PODXL2: variants seen among roughly 807,000 people sequenced by gnomAD.
PODXL2 encodes podocalyxin like 2.
Under a neutral mutation model 53.4 loss-of-function variants are expected in PODXL2, and 17 were observed. The ratio of observed to expected loss-of-function variants is 0.32; its 90% CI spans 0.22 to 0.48. The LOEUF is 0.48. Ranked by LOEUF, PODXL2 falls within the 20% of genes least tolerant of loss-of-function variation. The pLI is 0.99. For missense variants in PODXL2, 673 were observed against 760.0 expected, an observed-to-expected ratio of 0.89 and a Z score of 1.35; for synonymous variants, 311 against 306.7, an observed-to-expected ratio of 1.01 and a Z score of -0.15.
intron 2 of PODXL2, among the ~76,000 whole-genome samples, chr3:127,650,016 AG>A (rs2074678685): frequency 6.6e-6 from 1 of 152,228 alleles, no homozygotes; most frequent in Admixed American, 6.5e-5. Flanking sequence ...TTTAATTTTG[AG>A]TGTTTTTATA....
At chr3:127,667,554 G>A (rs540016931) in intron 4 of PODXL2, among the ~76,000 whole-genome samples, 2 of 152,308 alleles carry the variant, frequency 1.3e-5, no homozygotes, top group Admixed American at 6.5e-5. Context: ...AGATGGGGCT[G>A]GGCAGGGACA....
Position 127,660,517 on chromosome 3 carries a change from GGAA to G in PODXL2, c.495_497del (p.Glu172del). The stretch of plus-strand genomic sequence containing the variant: ...CCTGGCATATGCCTCCCAGAGAGGA[GGAA>G]GAAGAGGAAGAGGAAGAGGAGGAGA... On this transcript the variant is annotated inframe_deletion, in exon 3 of 8. Coordinates refer to ENST00000342480, the MANE Select transcript of PODXL2 (RefSeq NM_015720.4). 1 of 1,614,028 alleles carries G rather than the reference GGAA, an allele frequency of 6.2e-7. No homozygotes were observed. Among genetic ancestry groups the G allele is most frequent in the Non-Finnish European group, 8.5e-7 (1 of 1,179,954 alleles).
chr3:127,668,107 T>C (rs2074805849), intron 4 of PODXL2, among the ~76,000 whole-genome samples: 1 of 65,528 alleles, frequency 1.5e-5, no homozygotes, highest in Non-Finnish European at 4.6e-5. Flanking sequence ...GCTGCGTGTG[T>C]GTGTGTGTGT....
intron 2 of PODXL2, among the ~76,000 whole-genome samples, chr3:127,651,501 G>C (rs1383086902): frequency 6.6e-6 from 1 of 152,218 alleles, no homozygotes; most frequent in East Asian, 1.9e-4. Context: ...CATCACAGCT[G>C]GGTTTAGGCA....
chr3:127,649,058 C>T (rs1357216656), intron 2 of PODXL2, among the ~76,000 whole-genome samples: 1 of 151,930 alleles, frequency 6.6e-6, no homozygotes, highest in Non-Finnish European at 1.5e-5. Flanking sequence ...TCCCAAAGTG[C>T]TGGGATTACA....
chr3:127,667,410 G>C (rs1159590829), intron 4 of PODXL2, among the ~76,000 whole-genome samples: 1 of 152,256 alleles, frequency 6.6e-6, no homozygotes, highest in Non-Finnish European at 1.5e-5. Context: ...GAGCACCTGG[G>C]AGAGGGGTAT....
At position 127,669,999 on chromosome 3, in the gene PODXL2, A is replaced by G. The variant is rs546856258; in HGVS notation, c.1425+797A>G. Among the ~76,000 whole-genome samples, 198 of 152,306 alleles carry G rather than the reference A, an allele frequency of 1.3e-3. 3 individuals are homozygous for G. In the South Asian group the frequency reaches 0.039, roughly 30 times the overall value. On this transcript the variant is annotated intron_variant, in intron 6 of 7. Coordinates refer to ENST00000342480, the MANE Select transcript of PODXL2 (RefSeq NM_015720.4). ...CCTCTCCACTCCCGAAGGTGCTGCC[A>G]TTTTTGGCAGGAGAGATGAGTGGTA...
At chr3:127,650,613 T>C (rs989101449) in intron 2 of PODXL2, among the ~76,000 whole-genome samples, 2 of 152,204 alleles carry the variant, frequency 1.3e-5, no homozygotes, top group Non-Finnish European at 2.9e-5. Flanking sequence ...GTGTACCCCC[T>C]GTGCTGATTT....
At chr3:127,637,446 A>G (rs986134431) in intron 1 of PODXL2, among the ~76,000 whole-genome samples, 1 of 152,178 alleles carries the variant, frequency 6.6e-6, no homozygotes, top group African/African-American at 2.4e-5. Flanking sequence ...TATTTGTAGA[A>G]TAGTTTGGTT....
At chr3:127,630,837 G>A (rs911243977) in intron 1 of PODXL2, among the ~76,000 whole-genome samples, 4 of 152,162 alleles carry the variant, frequency 2.6e-5, no homozygotes, top group Non-Finnish European at 5.9e-5. Context: ...GGAAAAAGGC[G>A]ACATTCAATA....
At chr3:127,637,012 C>CCTTT (rs2074581852) in intron 1 of PODXL2, among the ~76,000 whole-genome samples, 1 of 152,210 alleles carries the variant, frequency 6.6e-6, no homozygotes, top group Non-Finnish European at 1.5e-5. Flanking sequence ...TTAGGAGAGA[C>CCTTT]TAGTTTTGCC....
At chr3:127,643,571 T>A (rs1435804622) in intron 2 of PODXL2, among the ~76,000 whole-genome samples, 8 of 152,340 alleles carry the variant, frequency 5.3e-5, no homozygotes, top group African/African-American at 1.9e-4. Flanking sequence ...GAAAATACTT[T>A]CTGCCCTTGA....
chr3:127,671,751 A>G, intron 7 of PODXL2, 138 bp downstream of exon 7: 1 of 786,958 alleles, frequency 1.3e-6, no homozygotes, highest in East Asian at 2.6e-5. Flanking sequence ...TCAGCCTAGC[A>G]CTGCTGACTG....
chr3:127,672,273 C>A lies in PODXL2; in HGVS notation c.1611C>A (p.His537Gln). 1 of 1,543,746 alleles carries A rather than the reference C, an allele frequency of 6.5e-7. No homozygotes were observed. The highest frequency in any genetic ancestry group is 8.7e-7 in the Non-Finnish European group (1 of 1,146,762). ...CTCTCCCCACCCCGCCTCAGTCGCA[C>A]GGCGAGGAGCTGCGCTTCGTGGAGA... ...RRLPKLKHVS[H>Q]GEELRFVENG... Residue 537 changes from histidine (H) to glutamine (Q), a missense_variant, in exon 8 of 8, where the codon CAC (histidine) becomes CAA (glutamine). His to Gln is a conservative substitution (Grantham distance 24). Coordinates refer to ENST00000342480, the MANE Select transcript of PODXL2 (RefSeq NM_015720.4).
intron 2 of PODXL2, among the ~76,000 whole-genome samples, chr3:127,643,145 G>A (rs1156567154): frequency 6.6e-6 from 1 of 152,058 alleles, no homozygotes; most frequent in Admixed American, 6.6e-5. Flanking sequence ...TTTCCAGTTT[G>A]TCAACTGCTT....
Position 127,652,399 on chromosome 3 carries a change from G to A in PODXL2, c.350-7979G>A, listed in dbSNP as rs148320753. On this transcript the variant is annotated intron_variant, in intron 2 of 7. Transcript: ENST00000342480. ...CATTCCCAGCAGTTCTGGGAGGGTC[G>A]GGAGCCCAGGAGCCTAAGTGTTATC... 1.9e-3 allele frequency among the ~76,000 whole-genome samples: 292 copies of A among 152,242 alleles called. 1 individual carries two copies. The highest frequency in any genetic ancestry group is 3.2e-3 in the Non-Finnish European group (217 of 68,012).
chr3:127,651,295 C>G (rs2074687597), intron 2 of PODXL2, among the ~76,000 whole-genome samples: 1 of 151,998 alleles, frequency 6.6e-6, no homozygotes, highest in African/African-American at 2.4e-5. Flanking sequence ...CAGGGTGAAT[C>G]CAGAGTTTTC....
At chr3:127,663,774 T>C (rs1020934599) in intron 4 of PODXL2, among the ~76,000 whole-genome samples, 3 of 152,188 alleles carry the variant, frequency 2.0e-5, no homozygotes, top group Non-Finnish European at 4.4e-5. Context: ...TTCCCTTCAT[T>C]GGGAAATGGT....
intron 4 of PODXL2, among the ~76,000 whole-genome samples, chr3:127,668,000 C>G (rs1189131605): frequency 2.0e-5 from 3 of 152,198 alleles, no homozygotes; most frequent in African/African-American, 4.8e-5. Context: ...TGTGTTCATC[C>G]CCAGCACCAT....
Sources: allele counts gnomAD v4.1 joint callset (sites outside exome capture counted in the v4.1 genomes callset), GRCh38; gene constraint gnomAD v4.1.1; transcripts MANE v1.5; gene names NCBI Gene and HGNC (gene_info 2026-07-23, HGNC 2026-07-21).